The following SYT7 variants were observed in gnomAD, a reference collection of about 807,000 sequenced individuals.
SYT7 encodes the protein synaptotagmin 7, also known as synaptotagmin-7.
A neutral mutation model predicts 75.1 loss-of-function variants in SYT7; 29 were observed. The observed-to-expected ratio is 0.39, with a 90% CI of 0.29 to 0.53. The LOEUF is 0.53. Among genes scored for constraint, SYT7 ranks in the 20% least tolerant of loss-of-function variants. The pLI, the probability that SYT7 is intolerant of heterozygous loss-of-function variation, is 0.77. For synonymous variants in SYT7, 376 were observed against 401.7 expected, an observed-to-expected ratio of 0.94 and a Z score of 0.76; for missense variants, 693 against 953.2, an observed-to-expected ratio of 0.73 and a Z score of 3.59.
At chr11:61,533,737 C>T (rs2062781138) in intron 7 of SYT7, 4 of 901,076 alleles carry the variant, frequency 4.4e-6, no homozygotes, top group South Asian at 5.1e-5. Context: ...AGCCACATGC[C>T]ACACGTGTGC....
At chr11:61,535,024 C>G (rs762573582) in intron 7 of SYT7, among the ~76,000 whole-genome samples, 2 of 152,200 alleles carry the variant, frequency 1.3e-5, no homozygotes, top group African/African-American at 4.8e-5. Context: ...GCTGCAGCGT[C>G]GGCACAGCTG....
In SYT7 at chr11:61,518,243, A is replaced by T. The variant is rs990046820; in HGVS notation, c.*384T>A. 5.8e-6 allele frequency: 1 copy of T among 172,066 alleles called. No individual in the cohort carries two copies. Among genetic ancestry groups the T allele is most frequent in the African/African-American group, 2.4e-5 (1 of 42,198 alleles). 10.7% of individuals were successfully genotyped at this position (172,066 alleles called of 1,614,324 possible). On this transcript the variant is annotated 3_prime_UTR_variant, in exon 13 of 13. Transcript: ENST00000539008. ...CCCGGGTCCACATCGGGGGCTGGAG[A>T]GGGAGTGGCCTCTCTCCACTCCAGG...
Position 61,553,247 on chromosome 11 carries a change from C to T in SYT7, c.136-1784G>A, listed in dbSNP as rs1227704380. 6.6e-6 allele frequency among the ~76,000 whole-genome samples: 1 copy of T among 152,252 alleles called. No homozygotes were observed. ...GGGAAGATCCTATGCGGCTGTGCCACAGTGACCTCAGGCCCCCTTTGGCAG... is the reference window on the plus strand; with the variant it reads ...GGGAAGATCCTATGCGGCTGTGCCATAGTGACCTCAGGCCCCCTTTGGCAG... On this transcript the variant is annotated intron_variant, in intron 2 of 12. Coordinates refer to ENST00000539008, the MANE Select transcript of SYT7 (RefSeq NM_001365809.2). This position sits in a 1 kb window ranked among gnomAD's most constrained non-coding sequence, Gnocchi z 5.2.
intron 9 of SYT7, chr11:61,525,894 G>A (rs79989292): frequency 0.022 from 3,395 of 152,790 alleles, 78 homozygotes; most frequent in Non-Finnish European, 0.031. Flanking sequence ...GGATGCAGAA[G>A]GGAAGAGGGG....
At chr11:61,566,042 TCCA>T (rs2063757875) in intron 1 of SYT7, among the ~76,000 whole-genome samples, 1 of 152,316 alleles carries the variant, frequency 6.6e-6, no homozygotes, top group African/African-American at 2.4e-5. Context: ...CATGTCGGGA[TCCA>T]CAAGCACTCC....
intron 3 of SYT7, 25 bp from the exon 4 acceptor site, chr11:61,547,333 G>A (rs1422402319): frequency 1.3e-6 from 2 of 1,534,670 alleles, no homozygotes; most frequent in East Asian, 2.4e-5. Flanking sequence ...AGAGAGGGGA[G>A]AAAACAGGGA....
Position 61,533,042 on chromosome 11 carries a change from G to C in SYT7, c.1147C>G (p.Pro383Ala). 4 of 1,613,488 alleles carry C rather than the reference G, an allele frequency of 2.5e-6. No homozygotes were observed. The highest frequency in any genetic ancestry group is 1.7e-6 in the Non-Finnish European group (2 of 1,180,008). Residue 383 changes from proline to alanine, a missense_variant, in exon 8 of 13, where the codon CCA (proline) becomes GCA (alanine). Pro to Ala is a conservative substitution (Grantham distance 27, BLOSUM62 -1). Around this residue, in one of 2 missense-constraint regions of SYT7, gnomAD observed 487 missense variants for 593.2 expected, o/e 0.82. Transcript: ENST00000539008. ...PHDESDRRTE[P>A]RSSVSDLVNS... ...ACGAGGTCTGAGACGGAGGAACGTG[G>C]CTCGGTCCGGCGGTCGGACTCATCG...
At chr11:61,530,499 G>C (rs898377650) in intron 8 of SYT7, among the ~76,000 whole-genome samples, 1 of 152,174 alleles carries the variant, frequency 6.6e-6, no homozygotes, top group Non-Finnish European at 1.5e-5. Flanking sequence ...ACTTTGCGGG[G>C]TCCTGGGAGA....
At chr11:61,547,139 A>G (rs1219351752) in intron 4 of SYT7, 38 bp downstream of exon 4, 1 of 1,532,250 alleles carries the variant, frequency 6.5e-7, no homozygotes, top group Admixed American at 2.0e-5. Context: ...GTGCGCGGAT[A>G]CTCGGTACAT....
chr11:61,528,583 T>C (rs534114013), intron 8 of SYT7, among the ~76,000 whole-genome samples: 14 of 152,130 alleles, frequency 9.2e-5, no homozygotes, highest in African/African-American at 3.4e-4. Context: ...TAGGGCCAAC[T>C]GTGGGAGGCA....
At chr11:61,550,059 C>G (rs1051556180) in intron 3 of SYT7, among the ~76,000 whole-genome samples, 2 of 152,220 alleles carry the variant, frequency 1.3e-5, no homozygotes, top group Non-Finnish European at 2.9e-5. Flanking sequence ...TCAGAAAGCC[C>G]GGGCCTGCAC....
intron 8 of SYT7, among the ~76,000 whole-genome samples, chr11:61,532,076 G>A (rs1213387664): frequency 1.3e-5 from 2 of 152,078 alleles, no homozygotes; most frequent in Non-Finnish European, 2.9e-5. Flanking sequence ...ATGGCAGAAG[G>A]GTGGGGGCTC....
intron 7 of SYT7, chr11:61,533,447 G>A (rs147947136): frequency 0.014 from 13,995 of 985,364 alleles, 114 homozygotes; most frequent in Non-Finnish European, 0.016. Context: ...CGGTCTCTGA[G>A]GTGGCCACTG....
Position 61,523,570 on chromosome 11 carries a change from C to A in SYT7, c.1756+257G>T, listed in dbSNP as rs924080932. 9.9e-5 allele frequency among the ~76,000 whole-genome samples: 15 copies of A among 152,196 alleles called. No homozygotes were observed. Among genetic ancestry groups the A allele is most frequent in the Non-Finnish European group, 4.4e-5 (3 of 68,036 alleles). ...TGGGGATAGAACCCAGGTCTTCCCACAATGTTCCCTCTTTCTGATTCTTGG... is the reference window on the plus strand; with the variant it reads ...TGGGGATAGAACCCAGGTCTTCCCAAAATGTTCCCTCTTTCTGATTCTTGG... On this transcript the variant is annotated intron_variant, in intron 11 of 12. Coordinates refer to ENST00000539008, the MANE Select transcript of SYT7 (RefSeq NM_001365809.2). This position sits in a 1 kb window ranked among gnomAD's most constrained non-coding sequence, Gnocchi z 5.0.
chr11:61,533,953 G>A (rs1031995626), intron 7 of SYT7, among the ~76,000 whole-genome samples: 4 of 152,114 alleles, frequency 2.6e-5, no homozygotes, highest in Middle Eastern at 3.2e-3. Context: ...GGGCACCACC[G>A]AGAAGCCCTG....
chr11:61,580,754 G>A lies in SYT7; in HGVS notation c.31+36C>T. The A allele has an allele frequency of 8.2e-7, 1 of 1,222,434 alleles. No individual in the cohort carries two copies. The highest frequency in any genetic ancestry group is 1.0e-6 in the Non-Finnish European group (1 of 977,808). The allele number at this position is 1,222,434 out of a possible 1,614,324, so 75.7% of individuals were successfully genotyped here. ...GGCGCTGCCGCTGTCCTGCCCGCCG[G>A]TGCGGGGCGCCCCAGCCCGCCGGGG... On this transcript the variant is annotated intron_variant, in intron 1 of 12. Coordinates refer to ENST00000539008, the MANE Select transcript of SYT7 (RefSeq NM_001365809.2). The surrounding 1 kb of genome is among the most constrained non-coding windows in gnomAD (Gnocchi z 6.1).
rs2063209691 is a variant in SYT7, at chr11:61,546,958, G to A, written c.347+219C>T. Among the ~76,000 whole-genome samples the A allele has an allele frequency of 1.3e-5, 2 of 152,136 alleles. No homozygotes were observed. The highest frequency in any genetic ancestry group is 1.3e-4 in the Admixed American group (2 of 15,280). On this transcript the variant is annotated intron_variant, in intron 4 of 12. Transcript: ENST00000539008. This position sits in a 1 kb window ranked among gnomAD's most constrained non-coding sequence, Gnocchi z 7.6. ...GCTCTCCTGCAAGGCTGGCCCTGGGGGAGGGGACGGGAGCGGGCAGGCAGG... is the reference window on the plus strand; with the variant it reads ...GCTCTCCTGCAAGGCTGGCCCTGGGAGAGGGGACGGGAGCGGGCAGGCAGG...
chr11:61,534,311 T>C (rs2062799229), intron 7 of SYT7, among the ~76,000 whole-genome samples: 1 of 152,088 alleles, frequency 6.6e-6, no homozygotes, highest in South Asian at 2.1e-4. Context: ...CAGACATGCA[T>C]GGAATATGCC....
chr11:61,531,459 G>A (rs74926583), intron 8 of SYT7, among the ~76,000 whole-genome samples: 2,189 of 149,636 alleles, frequency 0.015, 48 homozygotes, highest in African/African-American at 0.053. Flanking sequence ...AGTCTTCCTG[G>A]GGGGGGGAAG....
Sources: gnomAD v4.1 joint callset for allele counts (sites outside exome capture counted in the v4.1 genomes callset) on GRCh38, gnomAD v4.1.1 for gene constraint, gnomAD v4.1.1 regional missense constraint, Gnocchi (gnomAD v3.1) non-coding constraint, MANE v1.5 for transcripts, NCBI Gene and HGNC (gene_info 2026-07-23, HGNC 2026-07-21) for gene names.